RHOT2: variants seen among roughly 807,000 people sequenced by gnomAD.
RHOT2 encodes ras homolog family member T2.
Under a neutral mutation model 81.6 loss-of-function variants are expected in RHOT2, and 90 were observed. The observed-to-expected ratio is 1.10, with a 90% CI of 0.93 to 1.31. The LOEUF (loss-of-function observed/expected upper bound fraction) is 1.31. RHOT2 is among the 40% of genes most tolerant of loss of function. The pLI is 0.00. For missense variants in RHOT2, 1,014 were observed against 841.9 expected (o/e 1.20, Z -2.53); for synonymous variants, 512 against 370.9 (o/e 1.38, Z -4.37).
Position 670,340 on chromosome 16 carries a change from AT to A in RHOT2, c.423del (p.Ile141MetfsTer12), listed in dbSNP as rs772619988. ...CCCCATCATGAGCCAGTTTCCCGAG[AT>A]TGAGACCTGCGTGGAGGTGAGTAGG... Reference protein sequence around the residue: ...VLPIMSQFPEIETCVECSAKN... With the variant: ...VLPIMSQFPEXETCVECSAKN... On this transcript the variant is annotated frameshift_variant, in exon 7 of 19. Transcript: ENST00000315082. LOFTEE classifies it high-confidence loss of function. 2.8e-5 allele frequency: 45 copies of A among 1,612,806 alleles called. No individual in the cohort carries two copies. The highest frequency in any genetic ancestry group is 3.6e-5 in the Non-Finnish European group (42 of 1,179,938).
Position 671,194 on chromosome 16 carries a change from T to A in RHOT2, c.860T>A (p.Leu287His). The A allele has an allele frequency of 3.2e-6, 5 of 1,554,146 alleles. No homozygotes were observed. Among genetic ancestry groups the A allele is most frequent in the Non-Finnish European group, 4.4e-6 (5 of 1,147,998 alleles). ...GCCCTGGAGCTGACTGCGGACTATC[T>A]CTCCCCTCTGTGAGTGATGCCGGGG... The part of the protein sequence containing the change: ...SDALELTADY[L>H]SPLIHVPPGC... The change falls in exon 11 of 19, where the codon CTC (leucine) becomes CAC (histidine). Residue 287 changes from leucine to histidine, a missense_variant. Coordinates refer to ENST00000315082, the MANE Select transcript of RHOT2 (RefSeq NM_138769.3).
In RHOT2 at chr16:669,536, C is replaced by G; in HGVS notation, c.223-17C>G. ...GCCAGCAGCCCTGTCACCCACACCT[C>G]ATCACTGTTCCCTCAGGCAAACGTG... On this transcript the variant is annotated splice_polypyrimidine_tract_variant and intron_variant, in intron 4 of 18. Transcript: ENST00000315082. 1 of 1,610,998 alleles carries G rather than the reference C, an allele frequency of 6.2e-7. No individual in the cohort carries two copies. The highest frequency in any genetic ancestry group is 8.5e-7 in the Non-Finnish European group (1 of 1,179,566).
At chr16:670,045 C>T in intron 5 of RHOT2, 78 bp from the exon 6 acceptor site, 2 of 1,395,586 alleles carry the variant, frequency 1.4e-6, no homozygotes, top group Non-Finnish European at 1.9e-6. Flanking sequence ...TCTGCTCTCC[C>T]CCAGCCAGGC....
rs950289078 is a variant in RHOT2, at chr16:672,093, C to G, written c.1107C>G (p.Thr369=). Residue 369 remains threonine, a synonymous_variant, in exon 14 of 19, where the codon ACC becomes ACG. Coordinates refer to ENST00000315082, the MANE Select transcript of RHOT2 (RefSeq NM_138769.3). ...TCCCGCCCACCCCCAGCCTGGTGAC[C>G]TACCTGGACGTCCGGAGCTGCCTTG... The part of the protein sequence containing the change: ...HGYLCQWTLV[T]YLDVRSCLGH... 3 of 1,612,616 alleles carry G rather than the reference C, an allele frequency of 1.9e-6. No homozygotes were observed. Among genetic ancestry groups the G allele is most frequent in the Non-Finnish European group, 2.5e-6 (3 of 1,179,896 alleles).
In RHOT2 at chr16:670,358, G is replaced by A; in HGVS notation, c.438+1G>A. Reference sequence around the variant, plus strand: ...TCCCGAGATTGAGACCTGCGTGGAGGTGAGTAGGTCCCAGGCAGGGCCGCC... The same window carrying A: ...TCCCGAGATTGAGACCTGCGTGGAGATGAGTAGGTCCCAGGCAGGGCCGCC... On this transcript the variant is annotated splice_donor_variant, in intron 7 of 18. Transcript: ENST00000315082. LOFTEE classifies it high-confidence loss of function. 6.2e-7 allele frequency: 1 copy of A among 1,612,540 alleles called. No individual in the cohort carries two copies. The highest frequency in any genetic ancestry group is 8.5e-7 in the Non-Finnish European group (1 of 1,179,670).
chr16:672,627 C>T (rs1239927693), intron 16 of RHOT2, 61 bp downstream of exon 16: 2 of 1,609,692 alleles, frequency 1.2e-6, no homozygotes, highest in Non-Finnish European at 1.7e-6. Context: ...CCAGGCCTGC[C>T]TGGCAGATCT....
In RHOT2 at chr16:673,638, C is replaced by G. The variant is rs1336005325; in HGVS notation, c.*32C>G. On this transcript the variant is annotated 3_prime_UTR_variant, in exon 19 of 19. Transcript: ENST00000315082. ...TGGTACCCAAGCCCCCTCCCCTGAC[C>G]TGGGTGTGCCTCGCTGCTGGGGCTC... 6.3e-7 allele frequency: 1 copy of G among 1,588,094 alleles called. No individual in the cohort carries two copies. The highest frequency in any genetic ancestry group is 1.4e-5 in the African/African-American group (1 of 73,510).
At chr16:670,062 T>G in intron 5 of RHOT2, 61 bp from the exon 6 acceptor site, 1 of 1,463,718 alleles carries the variant, frequency 6.8e-7, no homozygotes, top group Non-Finnish European at 9.2e-7. Flanking sequence ...AGGCTCATGC[T>G]CCAGCTGGGA....
In RHOT2 at chr16:671,772, G is replaced by A. The variant is rs756928643; in HGVS notation, c.945G>A (p.Lys315=). The A allele has an allele frequency of 1.9e-6, 3 of 1,612,218 alleles. No homozygotes were observed. The highest frequency in any genetic ancestry group is 2.5e-6 in the Non-Finnish European group (3 of 1,179,648). ...GYQFVQRVFE[K]HDQDRDGALS... ...AGTTTGTGCAGAGAGTGTTTGAGAA[G>A]CACGACCAGGTGAGAGCATGGCGAG... Residue 315 remains lysine (K), a synonymous_variant, in exon 12 of 19, where the codon AAG becomes AAA. Coordinates refer to ENST00000315082, the MANE Select transcript of RHOT2 (RefSeq NM_138769.3).
rs374145652 is a variant in RHOT2, at chr16:673,020, C to T, written c.1620C>T (p.Ala540=). 5.5e-5 allele frequency: 89 copies of T among 1,612,368 alleles called. No individual in the cohort carries two copies. The highest frequency in any genetic ancestry group is 1.5e-4 in the Admixed American group (9 of 59,998). Reference sequence around the variant, plus strand: ...TCGCGGTGTCTGGCCCATCACCGGCCGAGTTTTGCCGCAAGCACCGGCTAC... The same window carrying T: ...TCGCGGTGTCTGGCCCATCACCGGCTGAGTTTTGCCGCAAGCACCGGCTAC... ...EGVAVSGPSP[A]EFCRKHRLPA... is the part of the protein sequence containing the mutation. Residue 540 remains alanine (A), a synonymous_variant, in exon 18 of 19, where the codon GCC becomes GCT. Coordinates refer to ENST00000315082, the MANE Select transcript of RHOT2 (RefSeq NM_138769.3).
intron 18 of RHOT2, 82 bp from the exon 19 acceptor site, chr16:673,398 A>G (rs1026499645): frequency 6.3e-7 from 1 of 1,587,672 alleles, no homozygotes. Flanking sequence ...GGGCCCTGTG[A>G]GTCCAGGACA....
chr16:670,651 G>A (rs1389805740), intron 8 of RHOT2, 24 bp from the exon 9 acceptor site: 10 of 1,610,180 alleles, frequency 6.2e-6, no homozygotes, highest in Admixed American at 1.7e-5. Context: ...GTCACCTGAG[G>A]GTGCTGAGCC....
Position 671,981 on chromosome 16 carries a change from A to G in RHOT2, c.1076A>G (p.His359Arg), listed in dbSNP as rs1242195349. Residue 359 changes from histidine (H) to arginine (R), a missense_variant, in exon 13 of 19, where the codon CAC becomes CGC. Transcript: ENST00000315082. Reference protein sequence around the residue: ...VRTEAGRLPLHGYLCQWTLVT... With the variant: ...VRTEAGRLPLRGYLCQWTLVT... Reference sequence around the variant, plus strand: ...ACAGAGGCCGGCCGGTTGCCCCTGCACGGATACCTCTGCCAGTGGACGTAA... The same window carrying G: ...ACAGAGGCCGGCCGGTTGCCCCTGCGCGGATACCTCTGCCAGTGGACGTAA... 6.2e-7 allele frequency: 1 copy of G among 1,612,048 alleles called. No homozygotes were observed. Among genetic ancestry groups the G allele is most frequent in the Non-Finnish European group, 8.5e-7 (1 of 1,179,714 alleles).
chr16:669,128 C>T (rs1397076328), intron 4 of RHOT2: 3 of 383,774 alleles, frequency 7.8e-6, no homozygotes, highest in Non-Finnish European at 9.6e-6. Context: ...GTTGGCACCC[C>T]TCACTGCGGT....
chr16:668,824 C>T (rs2038388534), intron 4 of RHOT2, 125 bp downstream of exon 4: 1 of 1,062,684 alleles, frequency 9.4e-7, no homozygotes, highest in Non-Finnish European at 1.3e-6. Flanking sequence ...GTGACCTCCG[C>T]ACTGAGGGTT....
At position 672,798 on chromosome 16, in the gene RHOT2, C is replaced by T. The variant is rs1470847434; in HGVS notation, c.1500C>T (p.Ser500=). ...CLMFDGSDPK[S]FAHCASVYKH... is the part of the protein sequence containing the mutation. ...TGTTTGATGGCAGTGACCCAAAGTCCTTTGCACATTGTGCCAGCGTCTACA... is the reference window on the plus strand; with the variant it reads ...TGTTTGATGGCAGTGACCCAAAGTCTTTTGCACATTGTGCCAGCGTCTACA... Residue 500 remains serine (S), a synonymous_variant, in exon 17 of 19, where the codon TCC becomes TCT. Transcript: ENST00000315082. 6.2e-7 allele frequency: 1 copy of T among 1,612,678 alleles called. No homozygotes were observed. The highest frequency in any genetic ancestry group is 1.1e-5 in the South Asian group (1 of 91,092).
rs367726747 is a variant in RHOT2, at chr16:671,884, G to A, written c.979G>A (p.Val327Met). 234 of 1,380,790 alleles carry A rather than the reference G, an allele frequency of 1.7e-4. No homozygotes were observed. The highest frequency in any genetic ancestry group is 5.9e-4 in the East Asian group (17 of 28,694). The allele number at this position is 1,380,790 out of a possible 1,614,324, so 85.5% of individuals were successfully genotyped here. A position where few individuals can be genotyped will look rare whatever the true frequency, so the allele number is the denominator to read the frequency against. Reference sequence around the variant, plus strand: ...GGACCGCGACGGCGCCCTCTCGCCCGTGGAGCTGCAAAGCCTTTTCAGTGT... The same window carrying A: ...GGACCGCGACGGCGCCCTCTCGCCCATGGAGCTGCAAAGCCTTTTCAGTGT... ...DQDRDGALSPVELQSLFSVFP... is the reference protein window; with the variant it reads ...DQDRDGALSPMELQSLFSVFP... Residue 327 changes from valine (V) to methionine (M), a missense_variant, in exon 13 of 19, where the codon GTG (valine) becomes ATG (methionine). Transcript: ENST00000315082.
At chr16:669,479 TGGCGTGGAACGGCCAGGGTC>T in intron 4 of RHOT2, 54 bp from the exon 5 acceptor site, 1 of 1,494,280 alleles carries the variant, frequency 6.7e-7, no homozygotes, top group Non-Finnish European at 9.2e-7. Flanking sequence ...AGCCTCGAGA[TGGCGTGGAACGGCCAGGGTC>T]GTCGGTGGTG....
In RHOT2 at chr16:668,339, C is replaced by G; in HGVS notation, c.38-14C>G. The G allele has an allele frequency of 7.2e-7, 1 of 1,390,894 alleles. No individual in the cohort carries two copies. The highest frequency in any genetic ancestry group is 9.3e-7 in the Non-Finnish European group (1 of 1,079,230). 86.2% of individuals were successfully genotyped at this position (1,390,894 alleles called of 1,614,324 possible). A position where few individuals can be genotyped will look rare whatever the true frequency, so the allele number is the denominator to read the frequency against. Reference sequence around the variant, plus strand: ...TGACCTTGGCCCTCGCGCTGACCGCCTCGCCCCGCGCAGCCCAGGTGGGGA... The same window carrying G: ...TGACCTTGGCCCTCGCGCTGACCGCGTCGCCCCGCGCAGCCCAGGTGGGGA... On this transcript the variant is annotated splice_polypyrimidine_tract_variant and intron_variant, in intron 1 of 18. Transcript: ENST00000315082.
Sources: allele counts gnomAD v4.1 joint callset, GRCh38; gene constraint gnomAD v4.1.1; transcripts MANE v1.5; gene names NCBI Gene and HGNC (gene_info 2026-07-23, HGNC 2026-07-21).